BSDC1: variants seen among roughly 807,000 people sequenced by gnomAD.
BSDC1 encodes the protein BSD domain-containing protein 1.
In BSDC1, 29 loss-of-function variants were observed where a neutral mutation model predicts 56.0. That is an observed-to-expected ratio of 0.52 (90% CI 0.39 to 0.71). The LOEUF (loss-of-function observed/expected upper bound fraction) is 0.71, where lower values mean the gene tolerates loss of function less well. Among genes scored for constraint, BSDC1 ranks in the 30% least tolerant of loss-of-function variants. BSDC1 has a pLI of 0.00. For synonymous variants in BSDC1, 210 were observed against 215.3 expected, an observed-to-expected ratio of 0.98 and a Z score of 0.21; for missense variants, 477 against 548.5, an observed-to-expected ratio of 0.87 and a Z score of 1.30.
At chr1:32,390,259 G>A (rs190843096) in intron 2 of BSDC1, among the ~76,000 whole-genome samples, 1 of 152,284 alleles carries the variant, frequency 6.6e-6, no homozygotes, top group African/African-American at 2.4e-5. Flanking sequence ...ATTAGAAGAG[G>A]AAGAAGGAAG....
chr1:32,370,004 G>C (rs893879660), intron 9 of BSDC1, among the ~76,000 whole-genome samples: 20 of 152,338 alleles, frequency 1.3e-4, no homozygotes, highest in African/African-American at 4.8e-4. Context: ...TTGAGACGGA[G>C]TCTCGCTCTG....
At chr1:32,386,197 T>C (rs1049052473) in intron 3 of BSDC1, among the ~76,000 whole-genome samples, 9 of 151,784 alleles carry the variant, frequency 5.9e-5, no homozygotes, top group African/African-American at 2.2e-4. Flanking sequence ...CGGGCGCCTG[T>C]AGCCCCAGCT....
intron 9 of BSDC1, among the ~76,000 whole-genome samples, chr1:32,374,945 G>C (rs909783587): frequency 9.9e-5 from 15 of 152,196 alleles, no homozygotes; most frequent in African/African-American, 3.6e-4. Context: ...AAGGTCAGGA[G>C]ATCGAGACCA....
At chr1:32,394,170 C>G (rs1034437841) in intron 1 of BSDC1, 30 bp from the exon 2 acceptor site, 4 of 1,600,694 alleles carry the variant, frequency 2.5e-6, no homozygotes, top group Non-Finnish European at 2.6e-6. Context: ...CTGGCAGCAC[C>G]GCGGTGCGAT....
In BSDC1 at chr1:32,378,686, C is replaced by T. The variant is rs1642378543; in HGVS notation, c.528+38G>A. ...CCCTCCCACCTCCCAACACCTCAAG[C>T]CTGGAGCTGGCTGAGGCCCTGCAGG... On this transcript the variant is annotated intron_variant, in intron 6 of 10. Coordinates refer to ENST00000455895, the MANE Select transcript of BSDC1 (RefSeq NM_018045.8). The surrounding 1 kb of genome is among the most constrained non-coding windows in gnomAD (Gnocchi z 5.2). The T allele has an allele frequency of 1.5e-6, 2 of 1,371,954 alleles. No homozygotes were observed. Among genetic ancestry groups the T allele is most frequent in the South Asian group, 3.2e-5 (2 of 63,442 alleles). 85.0% of individuals were successfully genotyped at this position (1,371,954 alleles called of 1,614,324 possible).
At chr1:32,379,396 A>G (rs1310707385) in intron 5 of BSDC1, among the ~76,000 whole-genome samples, 1 of 151,884 alleles carries the variant, frequency 6.6e-6, no homozygotes, top group Middle Eastern at 3.2e-3. Context: ...CCCACTGATA[A>G]TTCCTGTGTC....
At chr1:32,370,182 T>C (rs1359798233) in intron 9 of BSDC1, among the ~76,000 whole-genome samples, 1 of 152,198 alleles carries the variant, frequency 6.6e-6, no homozygotes, top group Non-Finnish European at 1.5e-5. Context: ...TTCACTATGT[T>C]GGCCAGGCTG....
intron 2 of BSDC1, among the ~76,000 whole-genome samples, chr1:32,393,330 ATCTC>A (rs961522490): frequency 3.9e-5 from 6 of 151,938 alleles, no homozygotes; most frequent in African/African-American, 7.3e-5. Flanking sequence ...CTGGTGATTA[ATCTC>A]TCTCTCTCTA....
rs1239492809 is a variant in BSDC1, at chr1:32,383,935, C to T, written c.252G>A (p.Val84=). The T allele has an allele frequency of 1.2e-6, 2 of 1,612,878 alleles. No homozygotes were observed. Among genetic ancestry groups the T allele is most frequent in the Non-Finnish European group, 8.5e-7 (1 of 1,180,018 alleles). ...GCGAAGGGGCAAAGGTGTCTGAGAT[C>T]ACCCCTAGGAAGTCAGATAACCCTT... ...MKKGLSDFLG[V]ISDTFAPSPD... is the part of the protein sequence containing the mutation. The change falls in exon 4 of 11, where the codon GTG becomes GTA. Residue 84 remains valine (V), a synonymous_variant. Transcript: ENST00000455895.
intron 2 of BSDC1, among the ~76,000 whole-genome samples, chr1:32,387,332 G>C (rs1642707082): frequency 6.6e-6 from 1 of 151,904 alleles, no homozygotes; most frequent in Non-Finnish European, 1.5e-5. Flanking sequence ...ATGAAAAAAA[G>C]GTATGTGATT....
At chr1:32,379,686 G>A (rs1642417124) in intron 5 of BSDC1, among the ~76,000 whole-genome samples, 1 of 152,156 alleles carries the variant, frequency 6.6e-6, no homozygotes, top group African/African-American at 2.4e-5. Context: ...GAACTTCTGG[G>A]CCCAAGTGAT....
intron 3 of BSDC1, among the ~76,000 whole-genome samples, chr1:32,385,983 C>A (rs1460193260): frequency 6.6e-6 from 1 of 152,070 alleles, no homozygotes; most frequent in Non-Finnish European, 1.5e-5. Context: ...TAATGGAATA[C>A]CATGCCACTT....
intron 3 of BSDC1, 51 bp downstream of exon 3, chr1:32,386,728 C>T (rs745592857): frequency 1.4e-6 from 2 of 1,417,882 alleles, no homozygotes; most frequent in Middle Eastern, 1.8e-4. Flanking sequence ...GAGCCCAGGA[C>T]AGGACAGGTT....
chr1:32,366,994 C>T (rs1641877713), intron 10 of BSDC1: 1 of 1,064,018 alleles, frequency 9.4e-7, no homozygotes. Context: ...CAGATAATGC[C>T]ATGGCTCTGA....
chr1:32,381,367 T>A, intron 4 of BSDC1, 99 bp from the exon 5 acceptor site: 1 of 1,201,518 alleles, frequency 8.3e-7, no homozygotes, highest in Non-Finnish European at 1.2e-6. Flanking sequence ...CAATCCAGCT[T>A]CTCCCTTGTT....
rs1641861732 is a variant in BSDC1 at position 32,366,614 on chromosome 1, T to TGGCTCCCTCA, written c.1291_*7dup. The TGGCTCCCTCA allele has an allele frequency of 2.0e-6, 3 of 1,504,876 alleles. No homozygotes were observed. The highest frequency in any genetic ancestry group is 2.7e-6 in the Non-Finnish European group (3 of 1,121,746). The allele number at this position is 1,504,876 out of a possible 1,614,324, so 93.2% of individuals were successfully genotyped here. ...CCATGGGTGGGGGAGCTGCTCCCTC[T>TGGCTCCCTCA]GGCTCCCTCACTCCCAGTCCTCCCA... On this transcript the variant is annotated 3_prime_UTR_variant, in exon 11 of 11. Transcript: ENST00000455895.
intron 2 of BSDC1, among the ~76,000 whole-genome samples, chr1:32,390,765 GTTGGGCGTGATGGTACACGCCTATAGT>G (rs1642838902): frequency 6.6e-6 from 1 of 152,080 alleles, no homozygotes; most frequent in African/African-American, 2.4e-5. Flanking sequence ...ACAAAAATTA[GTTGGGCGTGATGGTACACGCCTATAGT>G]CCCAGCTACT....
Position 32,364,708 on chromosome 1 carries a change from G to C in BSDC1, c.*1914C>G, listed in dbSNP as rs1641782635. On this transcript the variant is annotated 3_prime_UTR_variant, in exon 11 of 11. Transcript: ENST00000455895. ...CCACCTTGGCCTCCCAAAATGTTGG[G>C]ATTACAGGCATGAGCCACTGCGCCT... 6.6e-6 allele frequency among the ~76,000 whole-genome samples: 1 copy of C among 152,172 alleles called. No homozygotes were observed. Among genetic ancestry groups the C allele is most frequent in the Admixed American group, 6.5e-5 (1 of 15,278 alleles).
At chr1:32,370,069 G>C (rs571366309) in intron 9 of BSDC1, among the ~76,000 whole-genome samples, 1 of 152,226 alleles carries the variant, frequency 6.6e-6, no homozygotes, top group South Asian at 2.1e-4. Context: ...CCTCTGCCTC[G>C]CAGGTTCAAG....
Sources: allele counts gnomAD v4.1 joint callset (sites outside exome capture counted in the v4.1 genomes callset), GRCh38; gene constraint gnomAD v4.1.1; non-coding constraint Gnocchi (gnomAD v3.1); transcripts MANE v1.5; gene names NCBI Gene and HGNC (gene_info 2026-07-23, HGNC 2026-07-21).